The following CPNE9 variants were observed in gnomAD, a reference collection of about 807,000 sequenced individuals.
CPNE9 encodes the protein copine-9.
Under a neutral mutation model 83.0 loss-of-function variants are expected in CPNE9, and 59 were observed. The ratio of observed to expected loss-of-function variants is 0.71; its 90% confidence interval spans 0.58 to 0.88. The LOEUF is 0.88. Among genes scored for constraint, CPNE9 ranks in the 40% least tolerant of loss-of-function variants. The pLI is 0.00. For synonymous variants in CPNE9, 256 were observed against 273.4 expected (o/e 0.94, Z 0.63); for missense variants, 619 against 720.8 (o/e 0.86, Z 1.62).
At chr3:9,720,881 C>T (rs964209123) in intron 17 of CPNE9, among the ~76,000 whole-genome samples, 3 of 152,234 alleles carry the variant, frequency 2.0e-5, no homozygotes, top group African/African-American at 7.2e-5. Context: ...CTATCACTCA[C>T]TAGCTGTGGC....
intron 17 of CPNE9, among the ~76,000 whole-genome samples, chr3:9,721,867 A>C (rs2125473350): frequency 6.6e-6 from 1 of 151,874 alleles, no homozygotes; most frequent in South Asian, 2.1e-4. Context: ...ATGTTACTTA[A>C]TGTCTCTAAG....
At chr3:9,706,163 C>T (rs942994695) in intron 7 of CPNE9, 100 bp downstream of exon 7, 6 of 1,211,862 alleles carry the variant, frequency 5.0e-6, no homozygotes, top group Non-Finnish European at 7.1e-6. Context: ...TGGGGTTGCC[C>T]CTGGTCAGGA....
chr3:9,717,184 C>A, intron 15 of CPNE9, 80 bp downstream of exon 15: 2 of 1,466,878 alleles, frequency 1.4e-6, no homozygotes, highest in African/African-American at 1.4e-5. Flanking sequence ...TGGATTCCTA[C>A]CTAGAGATAA....
At position 9,727,165 on chromosome 3, in the gene CPNE9, C is replaced by T. The variant is rs1360429936; in HGVS notation, c.1455C>T (p.Tyr485=). The T allele has an allele frequency of 8.1e-6, 13 of 1,614,032 alleles. No homozygotes were observed. In the East Asian group the frequency reaches 8.9e-5, roughly 11 times the overall value. ...TGCGCGTGTCCTCTAGGGGACGCTA[C>T]GCAGAGCGGGACATCGTTCAGGTAG... ...DDVRVSSRGR[Y]AERDIVQFVP... is the part of the protein sequence containing the mutation. Residue 485 remains tyrosine (Y), a synonymous_variant, in exon 20 of 21, where the codon TAC becomes TAT. Transcript: ENST00000383832.
chr3:9,719,996 AAT>A (rs1553691132), intron 17 of CPNE9, among the ~76,000 whole-genome samples: 2 of 150,344 alleles, frequency 1.3e-5, no homozygotes, highest in Admixed American at 6.7e-5. Flanking sequence ...GTCTCAAAAA[AAT>A]ATATATATAT....
At chr3:9,712,954 A>G (rs1553689955) in intron 9 of CPNE9, 21 bp from the exon 10 acceptor site, 5 of 1,605,836 alleles carry the variant, frequency 3.1e-6, no homozygotes, top group Non-Finnish European at 2.6e-6. Flanking sequence ...AATTATACCA[A>G]TTCTTCCCAC....
At chr3:9,722,624 C>T (rs1460374171) in intron 17 of CPNE9, among the ~76,000 whole-genome samples, 1 of 152,086 alleles carries the variant, frequency 6.6e-6, no homozygotes, top group Non-Finnish European at 1.5e-5. Flanking sequence ...GATCCTCCCT[C>T]CCACCTCAGC....
chr3:9,709,764 T>A (rs541054914), intron 7 of CPNE9, among the ~76,000 whole-genome samples: 3 of 151,736 alleles, frequency 2.0e-5, no homozygotes, highest in Admixed American at 6.6e-5. Context: ...TGGAGGCAGG[T>A]GTATCACCTG....
chr3:9,715,894 A>C (rs1196666588), intron 13 of CPNE9, 80 bp from the exon 14 acceptor site: 3 of 1,242,160 alleles, frequency 2.4e-6, no homozygotes, highest in Non-Finnish European at 3.5e-6. Context: ...GCCTCTTTCC[A>C]AGCCCCTATG....
chr3:9,705,740 G>A lies in CPNE9; in HGVS notation c.300+20G>A. 1.9e-6 allele frequency: 3 copies of A among 1,613,198 alleles called. No individual in the cohort carries two copies. Among genetic ancestry groups the A allele is most frequent in the South Asian group, 2.2e-5 (2 of 90,990 alleles). ...CAGAAGGTGAGGCTGAATGGGGCTG[G>A]GCAGAGGTTGGGGGTGGGGGTGGTA... On this transcript the variant is annotated intron_variant, in intron 6 of 20. Transcript: ENST00000383832.
chr3:9,705,758 G>T (rs748096178), intron 6 of CPNE9, 38 bp downstream of exon 6: 1 of 1,607,810 alleles, frequency 6.2e-7, no homozygotes, highest in Non-Finnish European at 8.5e-7. Context: ...TTGGGGGTGG[G>T]GGTGGTATTG....
intron 17 of CPNE9, among the ~76,000 whole-genome samples, chr3:9,721,491 G>C (rs920311142): frequency 1.3e-5 from 2 of 152,146 alleles, no homozygotes; most frequent in Non-Finnish European, 2.9e-5. Context: ...CATGCAGTGA[G>C]AACCCACTTA....
At position 9,729,623 on chromosome 3, in the gene CPNE9, C is replaced by A; in HGVS notation, c.1593C>A (p.Thr531=). Residue 531 remains threonine (T), a synonymous_variant, in exon 21 of 21, where the codon ACC becomes ACA. Coordinates refer to ENST00000383832, the MANE Select transcript of CPNE9 (RefSeq NM_153635.3). ...IPEQLLSYMR[T]RDIQPRPPPP... is the part of the protein sequence containing the mutation. The stretch of plus-strand genomic sequence containing the variant: ...AGCAGCTGCTGTCCTATATGCGCAC[C>A]AGAGACATCCAGCCTCGGCCCCCAC... 1 of 1,614,140 alleles carries A rather than the reference C, an allele frequency of 6.2e-7. No individual in the cohort carries two copies. The highest frequency in any genetic ancestry group is 8.5e-7 in the Non-Finnish European group (1 of 1,180,010).
rs780270131 is a variant in CPNE9 at position 9,712,525 on chromosome 3, C to T, written c.378-16C>T. 1.2e-6 allele frequency: 2 copies of T among 1,612,730 alleles called. No individual in the cohort carries two copies. The highest frequency in any genetic ancestry group is 1.7e-6 in the Non-Finnish European group (2 of 1,178,710). The stretch of plus-strand genomic sequence containing the variant: ...TACCCTCCCTCCTCTCACTAAGAGG[C>T]TTTTTCTGCTTCCAGGGGTGTACCA... On this transcript the variant is annotated splice_polypyrimidine_tract_variant and intron_variant, in intron 7 of 20. Transcript: ENST00000383832.
chr3:9,717,670 GTGGATGGA>G (rs113581025), intron 15 of CPNE9, among the ~76,000 whole-genome samples: 1 of 151,836 alleles, frequency 6.6e-6, no homozygotes. Flanking sequence ...AGACAAGTGG[GTGGATGGA>G]TGGATGGATG....
At chr3:9,728,883 A>G (rs991418455) in intron 20 of CPNE9, among the ~76,000 whole-genome samples, 3 of 151,606 alleles carry the variant, frequency 2.0e-5, no homozygotes, top group Non-Finnish European at 4.4e-5. Flanking sequence ...TCCTGTTCTC[A>G]GGATCCCTTC....
At chr3:9,713,915 C>CA (rs909858506) in intron 10 of CPNE9, among the ~76,000 whole-genome samples, 4 of 151,286 alleles carry the variant, frequency 2.6e-5, no homozygotes, top group African/African-American at 7.3e-5. Context: ...ACTAAAAATA[C>CA]AAAAAAAATT....
intron 17 of CPNE9, among the ~76,000 whole-genome samples, chr3:9,720,982 GACTA>G (rs1351731295): frequency 1.3e-5 from 2 of 152,130 alleles, no homozygotes; most frequent in East Asian, 1.9e-4. Context: ...TTGTTGTGAG[GACTA>G]ACTAATTAAT....
chr3:9,722,844 C>T (rs990815162), intron 17 of CPNE9, among the ~76,000 whole-genome samples: 2 of 152,140 alleles, frequency 1.3e-5, no homozygotes, highest in Admixed American at 6.6e-5. Context: ...TGTAACTCCT[C>T]GTGGTTTGCA....
Sources: allele counts gnomAD v4.1 joint callset (sites outside exome capture counted in the v4.1 genomes callset), GRCh38; gene constraint gnomAD v4.1.1; transcripts MANE v1.5; gene names NCBI Gene and HGNC (gene_info 2026-07-23, HGNC 2026-07-21).